The following WDHD1 variants were observed in gnomAD, a reference collection of about 807,000 sequenced individuals.
WDHD1 encodes WD repeat and HMG-box DNA-binding protein 1.
Under a neutral mutation model 135.4 loss-of-function variants are expected in WDHD1, and 111 were observed. The observed-to-expected ratio is 0.82, with a 90% CI of 0.70 to 0.96. The LOEUF (loss-of-function observed/expected upper bound fraction) is 0.96, where lower values mean the gene tolerates loss of function less well. Ranked by LOEUF, WDHD1 falls within the 40% of genes least tolerant of loss-of-function variation. The pLI is 0.00. For synonymous variants in WDHD1, 434 were observed against 439.0 expected, an observed-to-expected ratio of 0.99 and a Z score of 0.14; for missense variants, 1,351 against 1,336.3, an observed-to-expected ratio of 1.01 and a Z score of -0.17.
chr14:55,001,288 T>A (rs1175369592), intron 8 of WDHD1, among the ~76,000 whole-genome samples: 1 of 152,180 alleles, frequency 6.6e-6, no homozygotes, highest in Non-Finnish European at 1.5e-5. Flanking sequence ...AGAGTCAGGG[T>A]CTTGCTCTGC....
chr14:55,025,070 A>G (rs1324111215), intron 2 of WDHD1, among the ~76,000 whole-genome samples: 3 of 85,332 alleles, frequency 3.5e-5, no homozygotes, highest in Non-Finnish European at 7.3e-5. Context: ...TCTCGGTATA[A>G]AACCCGATTG....
intron 7 of WDHD1, 26 bp downstream of exon 7, chr14:55,007,254 A>G (rs753927031): frequency 5.2e-6 from 8 of 1,525,578 alleles, no homozygotes; most frequent in Non-Finnish European, 7.1e-6. Context: ...AAAAAAGAAA[A>G]GAAAAGAAAA....
At chr14:54,948,926 C>A (rs2040984714) in intron 24 of WDHD1, among the ~76,000 whole-genome samples, 1 of 152,186 alleles carries the variant, frequency 6.6e-6, no homozygotes, top group South Asian at 2.1e-4. Context: ...TCCAACAGAC[C>A]TGCAGCTGAG....
At chr14:55,021,649 G>T (rs1460578757) in intron 2 of WDHD1, among the ~76,000 whole-genome samples, 1 of 152,202 alleles carries the variant, frequency 6.6e-6, no homozygotes, top group African/African-American at 2.4e-5. Flanking sequence ...GCCTCCCAAA[G>T]TGCTGGGATT....
chr14:54,955,742 T>C, intron 23 of WDHD1, 48 bp from the exon 24 acceptor site: 1 of 1,377,390 alleles, frequency 7.3e-7, no homozygotes, highest in Non-Finnish European at 9.5e-7. Flanking sequence ...TATAATTTTA[T>C]ATGTTTTATA....
intron 21 of WDHD1, among the ~76,000 whole-genome samples, chr14:54,961,710 T>C (rs2041254415): frequency 6.6e-6 from 1 of 152,222 alleles, no homozygotes. Context: ...AAGTAACATA[T>C]GTCCACAGTT....
At chr14:54,950,786 T>C (rs1355703473) in intron 24 of WDHD1, among the ~76,000 whole-genome samples, 2 of 152,116 alleles carry the variant, frequency 1.3e-5, no homozygotes, top group Non-Finnish European at 2.9e-5. Flanking sequence ...ACAGAAATTA[T>C]AACAAACTGT....
intron 16 of WDHD1, among the ~76,000 whole-genome samples, chr14:54,971,514 T>C (rs1332265935): frequency 2.0e-5 from 3 of 152,046 alleles, no homozygotes; most frequent in Non-Finnish European, 4.4e-5. Flanking sequence ...ACCTAGGATA[T>C]ATCTAACCAA....
intron 18 of WDHD1, among the ~76,000 whole-genome samples, chr14:54,965,012 A>G (rs74785625): frequency 0.028 from 4,313 of 152,372 alleles, 74 homozygotes; most frequent in South Asian, 0.041. Flanking sequence ...CATGTTGCAT[A>G]AAGGTGACAG....
rs1234539010 is a variant in WDHD1 at position 54,947,601 on chromosome 14, G to GT, written c.3051-3132dup. Among the ~76,000 whole-genome samples, 9 of 151,936 alleles carry GT rather than the reference G, an allele frequency of 5.9e-5. No homozygotes were observed. The East Asian group carries it at 9.7e-4, about 16-fold the overall frequency. ...AAATTGTGACTGTTCTTTTCTTTTT[G>GT]TTTTTTCTGAGATGGAGTCTCACTC... is the stretch of plus-strand genomic sequence containing the variant. On this transcript the variant is annotated intron_variant, in intron 24 of 25. Coordinates refer to ENST00000360586, the MANE Select transcript of WDHD1 (RefSeq NM_007086.4).
intron 24 of WDHD1, among the ~76,000 whole-genome samples, chr14:54,954,291 AAAAT>A (rs1431465586): frequency 1.3e-5 from 2 of 152,194 alleles, no homozygotes; most frequent in Admixed American, 1.3e-4. Context: ...CGTCTCAGAA[AAAAT>A]AAATAAATAC....
chr14:55,018,416 T>C (rs2042293333), intron 2 of WDHD1, among the ~76,000 whole-genome samples: 1 of 152,224 alleles, frequency 6.6e-6, no homozygotes, highest in Non-Finnish European at 1.5e-5. Flanking sequence ...CTTTGGAATA[T>C]CTTGACTTGT....
intron 2 of WDHD1, among the ~76,000 whole-genome samples, chr14:55,018,791 C>T (rs1311573357): frequency 6.6e-6 from 1 of 152,164 alleles, no homozygotes; most frequent in Non-Finnish European, 1.5e-5. Context: ...CATGGTGGCT[C>T]ACGCCTGTAA....
Position 54,987,437 on chromosome 14 carries a change from C to CAT in WDHD1, c.1527-52_1527-51dup, listed in dbSNP as rs139807986. 5,451 of 1,327,158 alleles carry CAT rather than the reference C, an allele frequency of 4.1e-3. 13 individuals carry two copies. Among genetic ancestry groups the CAT allele is most frequent in the African/African-American group, 7.3e-3 (482 of 65,746 alleles). The allele number at this position is 1,327,158 out of a possible 1,614,324, so 82.2% of individuals were successfully genotyped here. A position where few individuals can be genotyped will look rare whatever the true frequency, so the allele number is the denominator to read the frequency against. ...CAATCAAACTTTCATATGATATTTA[C>CAT]ATATATATATATATAAGCAATCATG... On this transcript the variant is annotated intron_variant, in intron 13 of 25. Transcript: ENST00000360586.
intron 24 of WDHD1, among the ~76,000 whole-genome samples, chr14:54,946,703 G>C (rs909669488): frequency 1.3e-5 from 2 of 152,156 alleles, no homozygotes; most frequent in Non-Finnish European, 2.9e-5. Flanking sequence ...GCCCAGGCTG[G>C]TTCCAATCTC....
intron 6 of WDHD1, 92 bp from the exon 7 acceptor site, chr14:55,007,467 AAT>A: frequency 2.2e-6 from 2 of 920,328 alleles, no homozygotes; most frequent in Admixed American, 2.8e-5. Context: ...TCTTCAAATC[AAT>A]ATATATCTCA....
At chr14:55,002,066 C>A in intron 8 of WDHD1, 27 bp downstream of exon 8, 2 of 1,527,208 alleles carry the variant, frequency 1.3e-6, no homozygotes, top group Non-Finnish European at 9.0e-7. Flanking sequence ...TTATAGCCCA[C>A]TGAAAGTGTC....
intron 16 of WDHD1, among the ~76,000 whole-genome samples, chr14:54,979,039 C>G (rs1404477510): frequency 6.6e-6 from 1 of 151,922 alleles, no homozygotes; most frequent in Non-Finnish European, 1.5e-5. Flanking sequence ...ATCTTCTTTA[C>G]TAAATTCATT....
intron 16 of WDHD1, among the ~76,000 whole-genome samples, chr14:54,974,873 G>C (rs1277294445): frequency 1.3e-5 from 2 of 152,122 alleles, no homozygotes; most frequent in African/African-American, 4.8e-5. Context: ...GTCGTGTCCA[G>C]ATTAACCTTG....
Sources: allele counts gnomAD v4.1 joint callset (sites outside exome capture counted in the v4.1 genomes callset), GRCh38; gene constraint gnomAD v4.1.1; transcripts MANE v1.5; gene names NCBI Gene and HGNC (gene_info 2026-07-23, HGNC 2026-07-21).